Variants in TJP2 observed in about 807,000 individuals in gnomAD.
The protein encoded by TJP2 is tight junction protein 2.
A neutral mutation model predicts 133.1 loss-of-function variants in TJP2; 91 were observed. The observed-to-expected ratio is 0.68, with a 90% confidence interval of 0.58 to 0.81. The LOEUF is 0.81. Among genes scored for constraint, TJP2 ranks in the 40% least tolerant of loss-of-function variants. The pLI is 0.00. For synonymous variants in TJP2, 592 were observed against 583.4 expected, an observed-to-expected ratio of 1.01 and a Z score of -0.21; for missense variants, 1,541 against 1,565.6, an observed-to-expected ratio of 0.98 and a Z score of 0.26.
rs186462271 is a variant in TJP2 at position 69,147,351 on chromosome 9, C to T, written c.-130-4300C>T. Among the ~76,000 whole-genome samples, 6 of 152,138 alleles carry T rather than the reference C, an allele frequency of 3.9e-5. No individual in the cohort carries two copies. The East Asian group carries it at 7.7e-4, about 20-fold the overall frequency. On this transcript the variant is annotated intron_variant, in intron 1 of 5. Coordinates refer to the TJP2 transcript ENST00000423935. The stretch of plus-strand genomic sequence containing the variant: ...ACCTGGAGGCCAAACCTGGGCTTAG[C>T]GGGAAAGGAATATCGCAACTGATTA...
intron 1 of TJP2, among the ~76,000 whole-genome samples, chr9:69,143,197 C>T (rs1340336197): frequency 1.3e-5 from 2 of 152,178 alleles, no homozygotes; most frequent in African/African-American, 4.8e-5. Flanking sequence ...AGATAAGAAT[C>T]ACTTTGTAAG....
upstream of TJP2, among the ~76,000 whole-genome samples, chr9:69,170,033 G>A (rs1824592663): frequency 6.6e-6 from 1 of 151,958 alleles, no homozygotes; most frequent in Admixed American, 6.6e-5. Context: ...AGTTTTTGTA[G>A]AGACAGAATC....
At chr9:69,144,397 G>T (rs1031763605) in intron 1 of TJP2, among the ~76,000 whole-genome samples, 1 of 152,166 alleles carries the variant, frequency 6.6e-6, no homozygotes, top group Admixed American at 6.5e-5. Flanking sequence ...GTTAATCAGA[G>T]TTACTGCATA....
intron 22 of TJP2, chr9:69,253,358 A>G: frequency 5.9e-6 from 1 of 169,110 alleles, no homozygotes; most frequent in Non-Finnish European, 1.3e-5. Context: ...TGCCACACAA[A>G]CAGTAGGAAT....
intron 1 of TJP2, among the ~76,000 whole-genome samples, chr9:69,122,399 T>C (rs987211083): frequency 6.6e-6 from 1 of 152,126 alleles, no homozygotes; most frequent in Non-Finnish European, 1.5e-5. Context: ...GCCCTGGGGG[T>C]GCTCGCCCTG....
chr9:69,220,231 G>A (rs1192905640), intron 4 of TJP2, among the ~76,000 whole-genome samples: 1 of 152,184 alleles, frequency 6.6e-6, no homozygotes, highest in African/African-American at 2.4e-5. Flanking sequence ...TATAGGGTAT[G>A]TGTGATTAAT....
intron 1 of TJP2, among the ~76,000 whole-genome samples, chr9:69,146,043 G>A (rs143115903): frequency 6.6e-6 from 1 of 152,000 alleles, no homozygotes; most frequent in Non-Finnish European, 1.5e-5. Context: ...TGAATAATGG[G>A]TGTGTCTAGA....
At chr9:69,178,132 A>G (rs1825231600) in intron 1 of TJP2, among the ~76,000 whole-genome samples, 1 of 152,124 alleles carries the variant, frequency 6.6e-6, no homozygotes, top group Admixed American at 6.6e-5. Context: ...GAGACAGAGT[A>G]AGGACTATCA....
chr9:69,144,006 A>AT, intron 1 of TJP2, among the ~76,000 whole-genome samples: 1 of 152,184 alleles, frequency 6.6e-6, no homozygotes, highest in East Asian at 1.9e-4. Flanking sequence ...ATTCAATTTT[A>AT]TTTTTTATTT....
intron 1 of TJP2, among the ~76,000 whole-genome samples, chr9:69,179,511 C>CTT (rs563179558): frequency 0.18 from 25,244 of 138,944 alleles, 2,464 homozygotes; most frequent in Middle Eastern, 0.24. Context: ...CTTTTTCTTT[C>CTT]TTTTTTTTTT....
chr9:69,215,047 A>C (rs1431007814), intron 2 of TJP2, among the ~76,000 whole-genome samples: 1 of 152,152 alleles, frequency 6.6e-6, no homozygotes, highest in South Asian at 2.1e-4. Flanking sequence ...CCATTATCCT[A>C]AGCAAATTAA....
intron 1 of TJP2, among the ~76,000 whole-genome samples, chr9:69,135,969 T>C (rs760737369): frequency 1.3e-5 from 2 of 152,172 alleles, no homozygotes; most frequent in Non-Finnish European, 2.9e-5. Context: ...TCTAATATTA[T>C]TGGACGTCAG....
At chr9:69,238,151 CAT>C (rs1167007849) in intron 15 of TJP2, among the ~76,000 whole-genome samples, 178 bp downstream of exon 15, 2 of 152,190 alleles carry the variant, frequency 1.3e-5, no homozygotes, top group South Asian at 2.1e-4. Flanking sequence ...TACACACACA[CAT>C]ACACATACTC....
At chr9:69,121,672 C>T (rs1006014878) in exon 1 of TJP2, 2 of 153,142 alleles carry the variant, frequency 1.3e-5, no homozygotes, top group East Asian at 1.9e-4. Context: ...CCGCCTTCGC[C>T]CTCGCCCAGC....
chr9:69,139,946 G>T (rs1822941284), intron 1 of TJP2, among the ~76,000 whole-genome samples: 1 of 152,232 alleles, frequency 6.6e-6, no homozygotes, highest in Non-Finnish European at 1.5e-5. Context: ...TCTGTCTGGA[G>T]CCAAACCTTC....
rs41277909 is a variant in TJP2 at position 69,252,813 on chromosome 9, A to C, written c.3322-2A>C. The C allele has an allele frequency of 5.2e-5, 84 of 1,614,064 alleles. No homozygotes were observed. Among genetic ancestry groups the C allele is most frequent in the Non-Finnish European group, 6.9e-5 (82 of 1,179,926 alleles). ...TATTCTTTTCTTTTTTAATTACCACAGATCGAAATTGCCCAGAAGCATCCT... is the reference window on the plus strand; with the variant it reads ...TATTCTTTTCTTTTTTAATTACCACCGATCGAAATTGCCCAGAAGCATCCT... On this transcript the variant is annotated splice_acceptor_variant, in intron 21 of 22. Coordinates refer to ENST00000377245, the MANE Select transcript of TJP2 (RefSeq NM_004817.4). LOFTEE classifies it high-confidence loss of function.
rs754221310 is a variant in TJP2 at position 69,203,607 on chromosome 9, ATTT to A, written c.61-8919_61-8917del. On this transcript the variant is annotated intron_variant, in intron 1 of 22. Coordinates refer to ENST00000377245, the MANE Select transcript of TJP2 (RefSeq NM_004817.4). ...GCATGAGCCACGGTGCCCAGCCTGGATTTTTTTTTTTTTTTTTTTTTTTTGAGA... is the reference window on the plus strand; with the variant it reads ...GCATGAGCCACGGTGCCCAGCCTGGATTTTTTTTTTTTTTTTTTTTTGAGA... Among the ~76,000 whole-genome samples, 600 of 67,826 alleles carry A rather than the reference ATTT, an allele frequency of 8.8e-3. 9 individuals are homozygous for A. The highest frequency in any genetic ancestry group is 0.013 in the Non-Finnish European group (501 of 39,792). The allele number at this position is 67,826 out of a possible 152,430, so 44.5% of individuals were successfully genotyped here. A position where few individuals can be genotyped will look rare whatever the true frequency, so the allele number is the denominator to read the frequency against.
At chr9:69,141,384 C>A (rs536804889) in intron 1 of TJP2, among the ~76,000 whole-genome samples, 5 of 152,016 alleles carry the variant, frequency 3.3e-5, no homozygotes, top group Non-Finnish European at 7.4e-5. Flanking sequence ...ACCCAGGAGC[C>A]TACTTTCCTT....
intron 17 of TJP2, among the ~76,000 whole-genome samples, chr9:69,244,849 G>A (rs1045028493): frequency 4.6e-5 from 7 of 152,182 alleles, no homozygotes; most frequent in Non-Finnish European, 1.0e-4. Context: ...AAGAGCTTTT[G>A]TGATTTTCTT....
Sources: allele counts gnomAD v4.1 joint callset (sites outside exome capture counted in the v4.1 genomes callset), GRCh38; gene constraint gnomAD v4.1.1; transcripts MANE v1.5; gene names NCBI Gene and HGNC (gene_info 2026-07-23, HGNC 2026-07-21).